The following NTM variants were observed in gnomAD, a reference collection of about 807,000 sequenced individuals.
NTM encodes neurotrimin.
A neutral mutation model predicts 42.1 loss-of-function variants in NTM; 13 were observed. The ratio of observed to expected loss-of-function variants is 0.31; its 90% CI spans 0.20 to 0.49. The LOEUF (loss-of-function observed/expected upper bound fraction) is 0.49. NTM is among the 20% of genes least tolerant of loss of function. The pLI is 0.99. For synonymous variants in NTM, 187 were observed against 179.2 expected, an observed-to-expected ratio of 1.04 and a Z score of -0.35; for missense variants, 373 against 452.8, an observed-to-expected ratio of 0.82 and a Z score of 1.60.
intron 1 of NTM, among the ~76,000 whole-genome samples, chr11:131,892,240 G>A (rs551338113): frequency 6.6e-6 from 1 of 152,244 alleles, no homozygotes; most frequent in Non-Finnish European, 1.5e-5. Context: ...ACATGGTTCT[G>A]CTAGACAGGG....
intron 4 of NTM, among the ~76,000 whole-genome samples, chr11:132,300,489 A>G (rs893842121): frequency 6.6e-6 from 1 of 152,226 alleles, no homozygotes; most frequent in Non-Finnish European, 1.5e-5. Flanking sequence ...CCCACAGTGC[A>G]GCCGGGGGAA....
Position 132,307,705 on chromosome 11 carries a change from T to C in NTM, c.543T>C (p.Ser181=). 6.2e-7 allele frequency: 1 copy of C among 1,614,218 alleles called. No individual in the cohort carries two copies. The highest frequency in any genetic ancestry group is 8.5e-7 in the Non-Finnish European group (1 of 1,180,038). Residue 181 remains serine, a synonymous_variant, in exon 5 of 9, where the codon AGT becomes AGC. Transcript: ENST00000683400. ...HISPKAVGFV[S]EDEYLEIQGI... is the part of the protein sequence containing the mutation. ...TTCCCGCAGCGGTTGGCTTTGTGAG[T>C]GAAGACGAATACTTGGAAATTCAGG...
At chr11:131,738,216 G>A (rs2080735028) in intron 1 of NTM, among the ~76,000 whole-genome samples, 2 of 152,176 alleles carry the variant, frequency 1.3e-5, no homozygotes, top group Admixed American at 1.3e-4. Context: ...GGCCAATGCA[G>A]AGAACTGCAG....
At chr11:132,254,459 G>A (rs754191085) in intron 4 of NTM, among the ~76,000 whole-genome samples, 12 of 151,446 alleles carry the variant, frequency 7.9e-5, no homozygotes, top group Non-Finnish European at 1.6e-4. Flanking sequence ...CACTGTGAAT[G>A]CACTTTGTTT....
chr11:131,376,861 G>T (rs558249463), intron 1 of NTM, among the ~76,000 whole-genome samples: 1 of 152,032 alleles, frequency 6.6e-6, no homozygotes, highest in Non-Finnish European at 1.5e-5. Flanking sequence ...ATTTGCCCAC[G>T]GGTTCAATCA....
chr11:131,707,721 A>G (rs1445386784), intron 1 of NTM, among the ~76,000 whole-genome samples: 1 of 152,134 alleles, frequency 6.6e-6, no homozygotes, highest in South Asian at 2.1e-4. Flanking sequence ...ACAAAATTCA[A>G]TATCTCTTCA....
At chr11:131,423,419 C>T (rs1435803616) in intron 1 of NTM, among the ~76,000 whole-genome samples, 2 of 152,178 alleles carry the variant, frequency 1.3e-5, no homozygotes, top group Non-Finnish European at 2.9e-5. Flanking sequence ...TCAGCACCCC[C>T]AAACATCTGC....
intron 1 of NTM, among the ~76,000 whole-genome samples, chr11:131,738,843 C>T (rs767515021): frequency 9.9e-5 from 15 of 152,268 alleles, no homozygotes; most frequent in Non-Finnish European, 1.5e-4. Flanking sequence ...ATGATTTGTA[C>T]GTGGAGAGAG....
chr11:132,001,471 A>G (rs2069216044), intron 2 of NTM, among the ~76,000 whole-genome samples: 1 of 152,178 alleles, frequency 6.6e-6, no homozygotes, highest in Non-Finnish European at 1.5e-5. Context: ...ACAGGAAGCA[A>G]AGCATGGCAC....
chr11:131,957,770 A>G (rs893252477), intron 2 of NTM, among the ~76,000 whole-genome samples: 6 of 152,124 alleles, frequency 3.9e-5, no homozygotes, highest in African/African-American at 1.2e-4. Flanking sequence ...CCTGATCTCA[A>G]ATTGGAAGAT....
At chr11:131,450,556 T>C (rs1283886650) in intron 1 of NTM, among the ~76,000 whole-genome samples, 1 of 152,168 alleles carries the variant, frequency 6.6e-6, no homozygotes, top group Non-Finnish European at 1.5e-5. Flanking sequence ...TGGCCAACCA[T>C]GTGCACGTAA....
At chr11:131,988,964 A>G (rs745911296) in intron 2 of NTM, among the ~76,000 whole-genome samples, 1 of 152,240 alleles carries the variant, frequency 6.6e-6, no homozygotes, top group Admixed American at 6.5e-5. Context: ...TGAATAAAAT[A>G]GATATATCAT....
intron 1 of NTM, among the ~76,000 whole-genome samples, chr11:131,837,509 C>T (rs1026986928): frequency 6.6e-6 from 1 of 152,132 alleles, no homozygotes; most frequent in Non-Finnish European, 1.5e-5. Context: ...TAATTGGGTC[C>T]TCATTGAGAA....
intron 1 of NTM, chr11:131,777,107 T>A: frequency 1.1e-6 from 1 of 944,968 alleles, no homozygotes; most frequent in Non-Finnish European, 1.3e-6. Context: ...TTTCTATTAT[T>A]GAAGGAAGTA....
intron 1 of NTM, among the ~76,000 whole-genome samples, chr11:131,463,400 C>T (rs1362759518): frequency 6.6e-6 from 1 of 152,200 alleles, no homozygotes; most frequent in Non-Finnish European, 1.5e-5. Context: ...GACCTGGGCA[C>T]AGCTGAGCCA....
In NTM at chr11:132,316,846, A is replaced by G. The variant is rs146149768; in HGVS notation, c.934+2143A>G. Among the ~76,000 whole-genome samples the G allele has an allele frequency of 2.1e-3, 325 of 152,324 alleles. 1 individual carries two copies. The highest frequency in any genetic ancestry group is 7.5e-3 in the African/African-American group (311 of 41,564). On this transcript the variant is annotated intron_variant, in intron 7 of 8. Coordinates refer to ENST00000683400, the MANE Select transcript of NTM (RefSeq NM_001352005.2). ...CCATCAATGAGGTCTTTTGACAAAT[A>G]TGAATTTGTTTGTTTGTTAGGGAAT...
chr11:132,034,097 A>G (rs2076234827), intron 2 of NTM, among the ~76,000 whole-genome samples: 1 of 152,186 alleles, frequency 6.6e-6, no homozygotes, highest in Admixed American at 6.5e-5. Flanking sequence ...CTTAAACCTT[A>G]CTAGGATTGT....
At chr11:131,480,738 C>T (rs59689907) in intron 1 of NTM, among the ~76,000 whole-genome samples, 2 of 150,312 alleles carry the variant, frequency 1.3e-5, no homozygotes, top group South Asian at 2.1e-4. Flanking sequence ...GGGAGGTAAC[C>T]GTGGTCTTCC....
intron 1 of NTM, among the ~76,000 whole-genome samples, chr11:131,764,325 T>C (rs1056901447): frequency 6.6e-6 from 1 of 152,310 alleles, no homozygotes; most frequent in African/African-American, 2.4e-5. Context: ...CGGTCTCTTT[T>C]GTCCTTTTTT....
Sources: allele counts gnomAD v4.1 joint callset (sites outside exome capture counted in the v4.1 genomes callset), GRCh38; gene constraint gnomAD v4.1.1; transcripts MANE v1.5; gene names NCBI Gene and HGNC (gene_info 2026-07-23, HGNC 2026-07-21).